MOV10L1: variants seen among roughly 807,000 people sequenced by gnomAD.
MOV10L1 encodes RNA helicase Mov10l1.
In MOV10L1, 110 loss-of-function variants were observed where a neutral mutation model predicts 143.8. The observed-to-expected ratio is 0.76, with a 90% CI of 0.66 to 0.90. The LOEUF is 0.90. Among genes scored for constraint, MOV10L1 ranks in the 40% least tolerant of loss-of-function variants. The pLI is 0.00. For missense variants in MOV10L1, 1,406 were observed against 1,526.8 expected, an observed-to-expected ratio of 0.92 and a Z score of 1.32; for synonymous variants, 593 against 581.1, an observed-to-expected ratio of 1.02 and a Z score of -0.29.
Position 50,125,714 on chromosome 22 carries a change from G to A in MOV10L1, c.1747+145G>A, listed in dbSNP as rs116003885. On this transcript the variant is annotated intron_variant, in intron 11 of 26. Transcript: ENST00000262794. ...AGAATTTCACTAAAAATCAGCAACC[G>A]ATGTACATCAAGCATGTTTCTTTGT... 372 of 766,218 alleles carry A rather than the reference G, an allele frequency of 4.9e-4. No individual in the cohort carries two copies. The African/African-American group carries it at 5.8e-3, about 12-fold the overall frequency. The allele number at this position is 766,218 out of a possible 1,614,324, so 47.5% of individuals were successfully genotyped here. A position where few individuals can be genotyped will look rare whatever the true frequency, so the allele number is the denominator to read the frequency against.
intron 15 of MOV10L1, among the ~76,000 whole-genome samples, chr22:50,139,213 A>G (rs984644315): frequency 1.3e-5 from 2 of 152,078 alleles, no homozygotes; most frequent in Non-Finnish European, 2.9e-5. Context: ...TCCATAGCTC[A>G]CAGCGCAGAC....
At chr22:50,131,559 G>A (rs1028681386) in intron 13 of MOV10L1, among the ~76,000 whole-genome samples, 2 of 152,114 alleles carry the variant, frequency 1.3e-5, no homozygotes, top group Non-Finnish European at 2.9e-5. Context: ...AAACTTGGCA[G>A]CTTTATCCTG....
chr22:50,104,918 G>A (rs2061832297), intron 3 of MOV10L1, among the ~76,000 whole-genome samples: 1 of 144,714 alleles, frequency 6.9e-6, no homozygotes, highest in Non-Finnish European at 1.5e-5. Flanking sequence ...TAAAGACAGA[G>A]TCTCCCTCTG....
At chr22:50,131,974 T>C (rs1280562619) in intron 13 of MOV10L1, among the ~76,000 whole-genome samples, 1 of 152,206 alleles carries the variant, frequency 6.6e-6, no homozygotes, top group Admixed American at 6.5e-5. Context: ...AGTGTCCTGG[T>C]GAGACTGCTT....
At chr22:50,120,133 C>A (rs778201577) in intron 9 of MOV10L1, among the ~76,000 whole-genome samples, 1 of 152,076 alleles carries the variant, frequency 6.6e-6, no homozygotes, top group Non-Finnish European at 1.5e-5. Context: ...AGGGATAGGC[C>A]CAGGTGGAGT....
intron 16 of MOV10L1, 84 bp from the exon 17 acceptor site, chr22:50,142,959 T>G: frequency 7.5e-7 from 1 of 1,334,662 alleles, no homozygotes. Context: ...ACAGACGTGC[T>G]GACGCCTGAC....
At chr22:50,108,960 CGTG>C in intron 5 of MOV10L1, 116 bp downstream of exon 5, 1 of 916,310 alleles carries the variant, frequency 1.1e-6, no homozygotes. Flanking sequence ...GCCTGACCAA[CGTG>C]GTGAAACTCT....
chr22:50,115,372 C>A, intron 8 of MOV10L1, 126 bp downstream of exon 8: 1 of 1,140,896 alleles, frequency 8.8e-7, no homozygotes, highest in African/African-American at 1.6e-5. Flanking sequence ...CGAAACCAGC[C>A]TGGCCACCAT....
At chr22:50,091,081 T>C (rs2062426727) in intron 1 of MOV10L1, 1 of 168,090 alleles carries the variant, frequency 5.9e-6, no homozygotes, top group African/African-American at 2.4e-5. Context: ...GGAACAGGCT[T>C]CAGGAGGGGA....
rs147103375 is a variant in MOV10L1 at position 50,150,768 on chromosome 22, C to T, written c.2761C>T (p.Pro921Ser). The change falls in exon 21 of 27, where the codon CCA becomes TCA. Residue 921 changes from proline (P) to serine (S), a missense_variant. By Grantham distance (74) the Pro-to-Ser change is moderately conservative. Around this residue, in one of 3 missense-constraint regions of MOV10L1, gnomAD observed 1,233 missense variants for 1,351.4 expected, o/e 0.91. Coordinates refer to ENST00000262794, the MANE Select transcript of MOV10L1 (RefSeq NM_018995.3). ...VLAGDPMQLG[P>S]VIKSRLAMAY... is the part of the protein sequence containing the mutation. ...GGCAGGAGACCCCATGCAGCTCGGCCCAGTCATTAAGTCCAGACTCGCCAT... is the reference window on the plus strand; with the variant it reads ...GGCAGGAGACCCCATGCAGCTCGGCTCAGTCATTAAGTCCAGACTCGCCAT... The T allele has an allele frequency of 6.2e-7, 1 of 1,613,994 alleles. No homozygotes were observed. The highest frequency in any genetic ancestry group is 8.5e-7 in the Non-Finnish European group (1 of 1,180,026).
At chr22:50,143,314 C>G in intron 17 of MOV10L1, 93 bp downstream of exon 17, 2 of 1,382,714 alleles carry the variant, frequency 1.4e-6, no homozygotes, top group South Asian at 2.3e-5. Context: ...ATTGTAGAAT[C>G]AGACAGTTGG....
chr22:50,119,820 A>G (rs9628264), intron 9 of MOV10L1, among the ~76,000 whole-genome samples: 232 of 151,944 alleles, frequency 1.5e-3, no homozygotes, highest in African/African-American at 5.5e-3. Flanking sequence ...GTGAGACTGC[A>G]CTGAAATGGA....
intron 2 of MOV10L1, 93 bp downstream of exon 2, chr22:50,092,278 C>T (rs1305493977): frequency 8.5e-7 from 1 of 1,171,166 alleles, no homozygotes; most frequent in Non-Finnish European, 1.2e-6. Flanking sequence ...ATGACCCGGC[C>T]AAGGGAGAAA....
At position 50,152,109 on chromosome 22, in the gene MOV10L1, G is replaced by A. The variant is rs556969407; in HGVS notation, c.2893-936G>A. 7.4e-4 allele frequency among the ~76,000 whole-genome samples: 113 copies of A among 152,172 alleles called. No homozygotes were observed. The highest frequency in any genetic ancestry group is 2.6e-3 in the African/African-American group (107 of 41,560). On this transcript the variant is annotated intron_variant, in intron 21 of 26. Transcript: ENST00000262794. The surrounding 1 kb of genome is among the most constrained non-coding windows in gnomAD (Gnocchi z 4.4). Reference sequence around the variant, plus strand: ...GAGGACTCACGGGGCCAATCATGGCGTTCTCGTGCCAGTGTCATCTGGCGA... The same window carrying A: ...GAGGACTCACGGGGCCAATCATGGCATTCTCGTGCCAGTGTCATCTGGCGA...
At position 50,160,979 on chromosome 22, in the gene MOV10L1, G is replaced by A. The variant is rs1251208008; in HGVS notation, c.3478G>A (p.Ala1160Thr). 6.2e-7 allele frequency: 1 copy of A among 1,614,168 alleles called. No individual in the cohort carries two copies. The highest frequency in any genetic ancestry group is 1.1e-5 in the South Asian group (1 of 91,084). Residue 1160 changes from alanine to threonine, a missense_variant, in exon 26 of 27, where the codon GCT (alanine) becomes ACT (threonine). Physicochemically the swap from Ala to Thr is moderately conservative, Grantham distance 58 (BLOSUM62 0). This residue lies in a region of MOV10L1 where 1,233 missense variants were observed against 1,351.4 expected (regional missense o/e 0.91). Coordinates refer to ENST00000262794, the MANE Select transcript of MOV10L1 (RefSeq NM_018995.3). ...TTGCCAACAGGACCCCTGTTTTGGT[G>A]CTTTGCTGGAATACAGTATTACAAA... is the stretch of plus-strand genomic sequence containing the variant. The part of the protein sequence containing the change: ...HVLVRDPCFG[A>T]LLEYSITNGV...
intron 3 of MOV10L1, among the ~76,000 whole-genome samples, chr22:50,104,089 G>A (rs1368525721): frequency 6.6e-6 from 1 of 152,128 alleles, no homozygotes; most frequent in African/African-American, 2.4e-5. Flanking sequence ...CTCATAAGGA[G>A]CACGCAACCT....
At chr22:50,155,537 G>A (rs1439081520) in intron 22 of MOV10L1, among the ~76,000 whole-genome samples, 3 of 152,068 alleles carry the variant, frequency 2.0e-5, no homozygotes, top group African/African-American at 7.2e-5. Flanking sequence ...GTGCAGTGGT[G>A]CAATCTTGGC....
At chr22:50,129,303 G>A (rs541365647) in intron 13 of MOV10L1, among the ~76,000 whole-genome samples, 1 of 152,168 alleles carries the variant, frequency 6.6e-6, no homozygotes, top group Non-Finnish European at 1.5e-5. Context: ...CTGGCACCCA[G>A]CTGGCTTTTT....
At chr22:50,145,832 C>T (rs12170772) in intron 19 of MOV10L1, 22 bp downstream of exon 19, 150 of 1,612,460 alleles carry the variant, frequency 9.3e-5, no homozygotes, top group South Asian at 4.2e-4. Flanking sequence ...GCATGGAGCG[C>T]GGCATGGGGC....
Sources: allele counts gnomAD v4.1 joint callset (sites outside exome capture counted in the v4.1 genomes callset), GRCh38; gene constraint gnomAD v4.1.1; regional missense constraint gnomAD v4.1.1; non-coding constraint Gnocchi (gnomAD v3.1); transcripts MANE v1.5; gene names NCBI Gene and HGNC (gene_info 2026-07-23, HGNC 2026-07-21).